Variants in IQCH observed in about 807,000 individuals in gnomAD.
IQCH encodes IQ domain-containing protein H.
In IQCH, 98 loss-of-function variants were observed where a neutral mutation model predicts 117.0. The ratio of observed to expected loss-of-function variants is 0.84; its 90% CI spans 0.71 to 0.99. IQCH has a LOEUF of 0.99. IQCH is among the 50% of genes least tolerant of loss of function. The pLI, the probability that IQCH is intolerant of heterozygous loss-of-function variation, is 0.00. For synonymous variants in IQCH, 412 were observed against 448.2 expected, an observed-to-expected ratio of 0.92 and a Z score of 1.02; for missense variants, 1,102 against 1,243.8, an observed-to-expected ratio of 0.89 and a Z score of 1.72.
chr15:67,487,546 T>A (rs2083525109), intron 18 of IQCH, among the ~76,000 whole-genome samples: 1 of 152,126 alleles, frequency 6.6e-6, no homozygotes, highest in African/African-American at 2.4e-5. Flanking sequence ...AATATCAAAA[T>A]TTTTAATGAA....
intron 3 of IQCH, among the ~76,000 whole-genome samples, chr15:67,265,204 A>C (rs1218663493): frequency 6.6e-6 from 1 of 152,266 alleles, no homozygotes; most frequent in Non-Finnish European, 1.5e-5. Flanking sequence ...AGAGCTACCT[A>C]GGTAGCAATT....
intron 6 of IQCH, among the ~76,000 whole-genome samples, chr15:67,354,491 A>C (rs1228442984): frequency 6.6e-6 from 1 of 152,114 alleles, no homozygotes; most frequent in Non-Finnish European, 1.5e-5. Flanking sequence ...AGCAAAAAAT[A>C]CTCTTAGTAG....
chr15:67,442,984 T>C (rs2082315130), intron 16 of IQCH, among the ~76,000 whole-genome samples: 1 of 151,682 alleles, frequency 6.6e-6, no homozygotes, highest in African/African-American at 2.4e-5. Context: ...TGGATGAGAC[T>C]GGAGACTGTT....
intron 8 of IQCH, among the ~76,000 whole-genome samples, chr15:67,367,458 G>A (rs1970375073): frequency 6.6e-6 from 1 of 152,158 alleles, no homozygotes; most frequent in African/African-American, 2.4e-5. Flanking sequence ...AGGATCACTT[G>A]TGCCCAGGAG....
rs1209685103 is a variant in IQCH, at chr15:67,425,764, GGTAATTTT to G, written c.2505+4191_2505+4198del. 6.6e-6 allele frequency among the ~76,000 whole-genome samples: 1 copy of G among 152,020 alleles called. No homozygotes were observed. Among genetic ancestry groups the G allele is most frequent in the Admixed American group, 6.6e-5 (1 of 15,258 alleles). ...CTTTTTCCACTACCACTACGATAGTGGTAATTTTGTATTTCTGTGGAAAATTTTCTGGT... is the reference window on the plus strand; with the variant it reads ...CTTTTTCCACTACCACTACGATAGTGGTATTTCTGTGGAAAATTTTCTGGT... On this transcript the variant is annotated intron_variant, in intron 16 of 20. Transcript: ENST00000335894. This position sits in a 1 kb window ranked among gnomAD's most constrained non-coding sequence, Gnocchi z 5.5.
chr15:67,353,188 AT>A, intron 6 of IQCH, among the ~76,000 whole-genome samples: 1 of 151,782 alleles, frequency 6.6e-6, no homozygotes, highest in East Asian at 1.9e-4. Flanking sequence ...ACAATTGATA[AT>A]AAGTGACGTA....
chr15:67,292,335 G>T (rs1046651444), intron 4 of IQCH, among the ~76,000 whole-genome samples: 1 of 152,056 alleles, frequency 6.6e-6, no homozygotes, highest in Non-Finnish European at 1.5e-5. Context: ...TCATGCAGCC[G>T]CAATCTCCTG....
intron 16 of IQCH, among the ~76,000 whole-genome samples, chr15:67,442,921 T>C (rs4304972): frequency 0.83 from 124,202 of 149,336 alleles, 51,835 homozygotes; most frequent in Middle Eastern, 0.89. Context: ...ATATATATGA[T>C]GGAATACTAT....
chr15:67,410,061 A>G lies in IQCH; in HGVS notation c.2098-6870A>G, dbSNP rs1352710435. ...CTAATAATCTTGATGGAAAGGAATG[A>G]GTGGAAACTCCACTGCTGATTGCAG... On this transcript the variant is annotated intron_variant, in intron 14 of 20. Coordinates refer to ENST00000335894, the MANE Select transcript of IQCH (RefSeq NM_001031715.3). Among the ~76,000 whole-genome samples the G allele has an allele frequency of 5.3e-5, 8 of 152,186 alleles. No individual in the cohort carries two copies. In the East Asian group the frequency reaches 1.5e-3, roughly 29 times the overall value.
At chr15:67,298,910 G>A (rs931957311) in intron 4 of IQCH, among the ~76,000 whole-genome samples, 5 of 152,118 alleles carry the variant, frequency 3.3e-5, no homozygotes, top group African/African-American at 1.2e-4. Context: ...ATATGATCCA[G>A]CAATCCCATT....
chr15:67,373,267 T>G, intron 9 of IQCH, 100 bp from the exon 10 acceptor site: 2 of 692,408 alleles, frequency 2.9e-6, no homozygotes, highest in African/African-American at 3.6e-5. Flanking sequence ...TAATATAATT[T>G]ATGCCTGGCT....
chr15:67,475,731 C>T lies in IQCH; in HGVS notation c.2712C>T (p.Thr904=), dbSNP rs1211467253. 6.2e-7 allele frequency: 1 copy of T among 1,613,842 alleles called. No individual in the cohort carries two copies. The highest frequency in any genetic ancestry group is 1.3e-5 in the African/African-American group (1 of 74,892). ...CCAGTCGCTATGCAGTGATGACCAC[C>T]CAGCTAAGACACAGCAATCTCTCAC... ...LATSRYAVMT[T]QLRHSNLSLV... Residue 904 remains threonine, a synonymous_variant, in exon 18 of 21, where the codon ACC becomes ACT. Coordinates refer to ENST00000335894, the MANE Select transcript of IQCH (RefSeq NM_001031715.3). This position sits in a 1 kb window ranked among gnomAD's most constrained non-coding sequence, Gnocchi z 5.7.
intron 1 of IQCH, among the ~76,000 whole-genome samples, chr15:67,258,365 T>C (rs1022107560): frequency 6.6e-6 from 1 of 151,768 alleles, no homozygotes; most frequent in African/African-American, 2.4e-5. Flanking sequence ...ACCCCGTCTC[T>C]ACTAAAAATA....
intron 4 of IQCH, among the ~76,000 whole-genome samples, chr15:67,328,758 C>A (rs1375724044): frequency 1.3e-5 from 2 of 152,158 alleles, no homozygotes; most frequent in Non-Finnish European, 2.9e-5. Flanking sequence ...GTGAATCTCA[C>A]AACCAGTTTT....
At chr15:67,398,474 T>C (rs1330645684) in intron 13 of IQCH, among the ~76,000 whole-genome samples, 1 of 152,166 alleles carries the variant, frequency 6.6e-6, no homozygotes, top group Non-Finnish European at 1.5e-5. Flanking sequence ...CACTACTTGA[T>C]AATTAGGGAG....
At chr15:67,295,922 G>C (rs935137350) in intron 4 of IQCH, among the ~76,000 whole-genome samples, 4 of 152,072 alleles carry the variant, frequency 2.6e-5, no homozygotes, top group Non-Finnish European at 5.9e-5. Flanking sequence ...TCATCACTCT[G>C]GTCTTAGTCT....
At chr15:67,255,257 T>C (rs745584971) in intron 1 of IQCH, 4 of 427,064 alleles carry the variant, frequency 9.4e-6, no homozygotes, top group South Asian at 6.7e-5. Context: ...TTAAATGTTA[T>C]ATTCTGAAAA....
At chr15:67,323,694 C>G (rs773325219) in intron 4 of IQCH, among the ~76,000 whole-genome samples, 2 of 151,990 alleles carry the variant, frequency 1.3e-5, no homozygotes, top group Non-Finnish European at 2.9e-5. Context: ...TAATATTGCA[C>G]CAGTTCACAT....
Position 67,501,140 on chromosome 15 carries a change from ATCT to A in IQCH, c.*398_*400del, listed in dbSNP as rs1185457206. 3 of 152,624 alleles carry A rather than the reference ATCT, an allele frequency of 2.0e-5. No homozygotes were observed. The highest frequency in any genetic ancestry group is 4.1e-4 in the South Asian group (2 of 4,844). The allele number at this position is 152,624 out of a possible 1,614,324, so 9.5% of individuals were successfully genotyped here. On this transcript the variant is annotated 3_prime_UTR_variant, in exon 21 of 21. Transcript: ENST00000335894. This position sits in a 1 kb window ranked among gnomAD's most constrained non-coding sequence, Gnocchi z 5.2. ...TTCTCCTATTTCTAATAGTCCATCG[ATCT>A]TCTGCATTTATAGGTTTGAATAAAG...
Sources: allele counts gnomAD v4.1 joint callset (sites outside exome capture counted in the v4.1 genomes callset), GRCh38; gene constraint gnomAD v4.1.1; non-coding constraint Gnocchi (gnomAD v3.1); transcripts MANE v1.5; gene names NCBI Gene and HGNC (gene_info 2026-07-23, HGNC 2026-07-21).